The following NLGN1 variants were observed in gnomAD, a reference collection of about 807,000 sequenced individuals.
NLGN1 encodes neuroligin-1.
NLGN1 carries 12 observed loss-of-function variants against 65.5 expected under a neutral mutation model. That is an observed-to-expected ratio of 0.18 (90% confidence interval 0.12 to 0.30). The LOEUF is 0.30. NLGN1 is among the 10% of genes least tolerant of loss of function. The pLI, the probability that NLGN1 is intolerant of heterozygous loss-of-function variation, is 1.00. For synonymous variants in NLGN1, 350 were observed against 359.5 expected (o/e 0.97, Z 0.30); for missense variants, 750 against 1,007.1 (o/e 0.74, Z 3.46).
chr3:174,274,808 G>GAGTT (rs1184695184), intron 4 of NLGN1, among the ~76,000 whole-genome samples: 3 of 151,330 alleles, frequency 2.0e-5, no homozygotes, highest in African/African-American at 7.3e-5. Context: ...TAATTTCATG[G>GAGTT]AGTTTACAAA....
intron 3 of NLGN1, among the ~76,000 whole-genome samples, chr3:173,659,624 A>T (rs1181763698): frequency 6.6e-6 from 1 of 151,838 alleles, no homozygotes; most frequent in Non-Finnish European, 1.5e-5. Flanking sequence ...TGGGTTTATT[A>T]TATATATATG....
At chr3:173,574,690 GATAAC>G (rs1254104270) in intron 2 of NLGN1, among the ~76,000 whole-genome samples, 1 of 152,042 alleles carries the variant, frequency 6.6e-6, no homozygotes, top group Non-Finnish European at 1.5e-5. Context: ...GAATAGAGAA[GATAAC>G]ATGAGAGAAC....
chr3:173,717,707 C>T (rs1398691210), intron 3 of NLGN1, among the ~76,000 whole-genome samples: 1 of 151,964 alleles, frequency 6.6e-6, no homozygotes, highest in Non-Finnish European at 1.5e-5. Flanking sequence ...CTGTATGTGG[C>T]AATTTACAGT....
chr3:173,582,184 A>G (rs372133721), intron 2 of NLGN1, among the ~76,000 whole-genome samples: 1 of 152,166 alleles, frequency 6.6e-6, no homozygotes. Flanking sequence ...TATCAACTCA[A>G]GGAGCTGAGG....
intron 2 of NLGN1, among the ~76,000 whole-genome samples, chr3:173,495,901 C>G (rs933561410): frequency 2.0e-5 from 3 of 151,702 alleles, no homozygotes; most frequent in Non-Finnish European, 4.4e-5. Flanking sequence ...TGATTTGAAT[C>G]ATAGAGTTTG....
At chr3:173,540,961 C>T (rs1454038013) in intron 2 of NLGN1, among the ~76,000 whole-genome samples, 2 of 152,076 alleles carry the variant, frequency 1.3e-5, no homozygotes, top group Non-Finnish European at 2.9e-5. Flanking sequence ...ATCACAGTTT[C>T]TTAAGAAGTT....
chr3:173,516,024 C>T (rs1733753949), intron 2 of NLGN1, among the ~76,000 whole-genome samples: 1 of 151,802 alleles, frequency 6.6e-6, no homozygotes, highest in South Asian at 2.1e-4. Context: ...GATTTTTATC[C>T]TTTGTGAACT....
At chr3:173,460,094 C>T (rs1378670244) in intron 2 of NLGN1, among the ~76,000 whole-genome samples, 5 of 152,070 alleles carry the variant, frequency 3.3e-5, no homozygotes, top group African/African-American at 1.2e-4. Flanking sequence ...TGGAGAGCTA[C>T]TAATGTAGGC....
chr3:173,950,860 T>C (rs1467302470), intron 4 of NLGN1, among the ~76,000 whole-genome samples: 1 of 152,048 alleles, frequency 6.6e-6, no homozygotes, highest in Non-Finnish European at 1.5e-5. Context: ...TTATTAATTT[T>C]ATTTATTTAT....
At chr3:173,874,344 T>A (rs2150887722) in intron 4 of NLGN1, among the ~76,000 whole-genome samples, 2 of 152,352 alleles carry the variant, frequency 1.3e-5, no homozygotes, top group South Asian at 4.1e-4. Flanking sequence ...CTCAAAGTGA[T>A]GTTTAAATGT....
chr3:173,653,394 T>G (rs1759515981), intron 3 of NLGN1, among the ~76,000 whole-genome samples: 1 of 152,168 alleles, frequency 6.6e-6, no homozygotes, highest in East Asian at 1.9e-4. Flanking sequence ...TTGGCCTATA[T>G]TATTTTGAGG....
intron 4 of NLGN1, among the ~76,000 whole-genome samples, chr3:174,009,959 A>G (rs2152439082): frequency 6.6e-6 from 1 of 152,266 alleles, no homozygotes. Flanking sequence ...CGTGAAGAGC[A>G]TCCCCCTAAC....
intron 4 of NLGN1, among the ~76,000 whole-genome samples, chr3:173,814,404 C>T (rs1718608995): frequency 6.6e-6 from 1 of 152,122 alleles, no homozygotes; most frequent in East Asian, 1.9e-4. Flanking sequence ...AAATGAGCTC[C>T]TGGAATAGAG....
At chr3:174,030,005 A>G (rs1729632945) in intron 4 of NLGN1, among the ~76,000 whole-genome samples, 1 of 152,172 alleles carries the variant, frequency 6.6e-6, no homozygotes, top group Admixed American at 6.5e-5. Flanking sequence ...GATTAATACA[A>G]TAGCTCATGG....
rs1185077717 is a variant in NLGN1 at position 173,539,498 on chromosome 3, TATGTATATGTATGTAC to T, written c.-320-64768_-320-64753del. ...ACGCATATGCATGTATATGTATGTA[TATGTATATGTATGTAC>T]ATGTATATGTATATATACATATGTA... On this transcript the variant is annotated intron_variant, in intron 2 of 6. Coordinates refer to ENST00000457714, the Ensembl canonical transcript of NLGN1. Among the ~76,000 whole-genome samples the T allele has an allele frequency of 2.5e-3, 358 of 144,302 alleles. 1 individual carries two copies. Among genetic ancestry groups the T allele is most frequent in the African/African-American group, 8.3e-3 (326 of 39,478 alleles). 94.7% of individuals were successfully genotyped at this position (144,302 alleles called of 152,430 possible). A position where few individuals can be genotyped will look rare whatever the true frequency, so the allele number is the denominator to read the frequency against.
At chr3:173,416,793 C>A (rs1028305296) in intron 1 of NLGN1, among the ~76,000 whole-genome samples, 1 of 152,008 alleles carries the variant, frequency 6.6e-6, no homozygotes, top group Non-Finnish European at 1.5e-5. Flanking sequence ...ATGGCCCAAG[C>A]ACAAAGATTT....
intron 4 of NLGN1, among the ~76,000 whole-genome samples, chr3:174,105,370 T>C (rs1713483319): frequency 6.6e-6 from 1 of 151,934 alleles, no homozygotes; most frequent in South Asian, 2.1e-4. Flanking sequence ...AAACCCTGTC[T>C]CTACAAAAAC....
At chr3:173,666,015 C>T (rs531473633) in intron 3 of NLGN1, among the ~76,000 whole-genome samples, 7 of 152,208 alleles carry the variant, frequency 4.6e-5, no homozygotes, top group Non-Finnish European at 1.0e-4. Flanking sequence ...TGTGTCCCTG[C>T]AGGCATCTAA....
At position 173,804,543 on chromosome 3, in the gene NLGN1, G is replaced by T. The variant is rs182495312; in HGVS notation, c.494-3137G>T. On this transcript the variant is annotated intron_variant, in intron 3 of 6. Coordinates refer to ENST00000457714, the Ensembl canonical transcript of NLGN1. The stretch of plus-strand genomic sequence containing the variant: ...TATTATTAAAATGATGGAATTAGCA[G>T]ATGGTATTCAATGGTAGGCTATCTG... 7.1e-4 allele frequency among the ~76,000 whole-genome samples: 107 copies of T among 151,696 alleles called. 1 individual carries two copies. Among genetic ancestry groups the T allele is most frequent in the Admixed American group, 6.5e-3 (99 of 15,222 alleles).
Sources: allele counts gnomAD v4.1 joint callset (sites outside exome capture counted in the v4.1 genomes callset), GRCh38; gene constraint gnomAD v4.1.1; transcripts MANE v1.5; gene names NCBI Gene and HGNC (gene_info 2026-07-23, HGNC 2026-07-21).